RABGAP1L: variants seen among roughly 807,000 people sequenced by gnomAD.
RABGAP1L encodes RAB GTPase activating protein 1 like.
RABGAP1L carries 63 observed loss-of-function variants against 137.7 expected under a neutral mutation model. The observed-to-expected ratio is 0.46, with a 90% CI of 0.37 to 0.56. The LOEUF is 0.56. RABGAP1L is among the 20% of genes least tolerant of loss of function. The pLI, the probability that RABGAP1L is intolerant of heterozygous loss-of-function variation, is 0.00. For missense variants in RABGAP1L, 1,095 were observed against 1,244.0 expected (o/e 0.88, Z 1.80); for synonymous variants, 431 against 433.7 (o/e 0.99, Z 0.08).
chr1:174,328,321 C>CA (rs562650682), intron 11 of RABGAP1L, among the ~76,000 whole-genome samples: 1 of 151,476 alleles, frequency 6.6e-6, no homozygotes, highest in Non-Finnish European at 1.5e-5. Context: ...TTAACAAATT[C>CA]AAAAAAAGTG....
intron 13 of RABGAP1L, among the ~76,000 whole-genome samples, chr1:174,606,181 A>G (rs1253836621): frequency 6.6e-6 from 1 of 152,234 alleles, no homozygotes; most frequent in Non-Finnish European, 1.5e-5. Context: ...CTCATATAGT[A>G]TCTACTAGTT....
intron 11 of RABGAP1L, among the ~76,000 whole-genome samples, chr1:174,315,338 G>T (rs957612031): frequency 2.0e-5 from 3 of 151,844 alleles, no homozygotes; most frequent in African/African-American, 4.8e-5. Flanking sequence ...GTTTCAGTTG[G>T]CATGGAATAT....
Position 174,250,649 on chromosome 1 carries a change from G to C in RABGAP1L, c.875+17G>C. Reference sequence around the variant, plus strand: ...AAACTTTAGGTGAGGCATTTGGAAAGATTAAAAATTCGCATTGTATCTGGA... The same window carrying C: ...AAACTTTAGGTGAGGCATTTGGAAACATTAAAAATTCGCATTGTATCTGGA... On this transcript the variant is annotated intron_variant, in intron 6 of 25. Coordinates refer to ENST00000681986, the MANE Select transcript of RABGAP1L (RefSeq NM_001366446.1). The C allele has an allele frequency of 6.2e-7, 1 of 1,607,192 alleles. No homozygotes were observed. The highest frequency in any genetic ancestry group is 2.2e-5 in the East Asian group (1 of 44,792).
At position 174,231,325 on chromosome 1, in the gene RABGAP1L, A is replaced by G. The variant is rs564158260; in HGVS notation, c.512A>G (p.Tyr171Cys). 52 of 1,614,080 alleles carry G rather than the reference A, an allele frequency of 3.2e-5. No homozygotes were observed. In the Admixed American group the frequency reaches 5.5e-4, roughly 17 times the overall value. ...CAATACCCCTTTCCTGTTACCCTGT[A>G]TGTACCAAATGTTCCAGAAGGTTCT... ...SSQYPFPVTL[Y>C]VPNVPEGSVR... Residue 171 changes from tyrosine (Y) to cysteine (C), a missense_variant, in exon 4 of 26, where the codon TAT (tyrosine) becomes TGT (cysteine). By Grantham distance (194) the Tyr-to-Cys change is radical. This residue lies in a region of RABGAP1L where 356 missense variants were observed against 326.3 expected (regional missense o/e 1.09). Transcript: ENST00000681986.
chr1:174,169,225 G>GTT (rs372991047), intron 1 of RABGAP1L, among the ~76,000 whole-genome samples: 3 of 145,178 alleles, frequency 2.1e-5, no homozygotes, highest in South Asian at 2.2e-4. Flanking sequence ...ATATAAAGGT[G>GTT]TTTTTTTTTT....
intron 2 of RABGAP1L, among the ~76,000 whole-genome samples, chr1:174,220,329 A>G (rs537312564): frequency 2.6e-5 from 4 of 152,274 alleles, no homozygotes; most frequent in South Asian, 2.1e-4. Context: ...AGACATGTAA[A>G]TTTAAGGTTA....
At chr1:174,528,658 A>T (rs1240911876) in intron 13 of RABGAP1L, among the ~76,000 whole-genome samples, 4 of 150,010 alleles carry the variant, frequency 2.7e-5, no homozygotes, top group African/African-American at 4.9e-5. Flanking sequence ...TTTGTCTTTG[A>T]CTTTAGACAA....
chr1:174,534,290 A>T lies in RABGAP1L; in HGVS notation c.1711-103085A>T, dbSNP rs867894083. On this transcript the variant is annotated intron_variant, in intron 13 of 25. Coordinates refer to ENST00000681986, the MANE Select transcript of RABGAP1L (RefSeq NM_001366446.1). The stretch of plus-strand genomic sequence containing the variant: ...TTTTACAGCTCAATAGTTTAAAAAC[A>T]AAACAAAACAAAAAGCTGCAGTAAT... Among the ~76,000 whole-genome samples, 15 of 152,232 alleles carry T rather than the reference A, an allele frequency of 9.9e-5. 1 individual carries two copies. Among genetic ancestry groups the T allele is most frequent in the South Asian group, 6.2e-4 (3 of 4,828 alleles).
intron 13 of RABGAP1L, among the ~76,000 whole-genome samples, chr1:174,619,862 A>G (rs1033175403): frequency 8.5e-5 from 13 of 152,226 alleles, no homozygotes; most frequent in South Asian, 8.3e-4. Context: ...ATAAAGAGTC[A>G]GGACCCATCA....
chr1:174,428,119 A>G (rs755392628), intron 13 of RABGAP1L, among the ~76,000 whole-genome samples: 4 of 152,212 alleles, frequency 2.6e-5, no homozygotes, highest in Non-Finnish European at 5.9e-5. Context: ...TGAGTAAGCC[A>G]TACATCATTT....
intron 18 of RABGAP1L, among the ~76,000 whole-genome samples, chr1:174,762,834 A>G (rs1685338895): frequency 8.9e-6 from 1 of 111,836 alleles, no homozygotes; most frequent in Non-Finnish European, 1.8e-5. Context: ...TTTTTTTTTA[A>G]GATAGATTCT....
intron 14 of RABGAP1L, among the ~76,000 whole-genome samples, chr1:174,639,819 G>A (rs1674376337): frequency 6.6e-6 from 1 of 152,056 alleles, no homozygotes; most frequent in African/African-American, 2.4e-5. Context: ...CTTTGATTTG[G>A]TGTTGCAAAT....
chr1:174,563,305 A>G (rs1408283569), intron 13 of RABGAP1L, among the ~76,000 whole-genome samples: 3 of 152,228 alleles, frequency 2.0e-5, no homozygotes, highest in African/African-American at 7.2e-5. Context: ...TTGCACAAGT[A>G]TGTTAATTAG....
chr1:174,350,266 C>G (rs1422504778), intron 11 of RABGAP1L, among the ~76,000 whole-genome samples: 49 of 118,386 alleles, frequency 4.1e-4, no homozygotes, highest in Non-Finnish European at 6.6e-4. Flanking sequence ...GGGTGGCTGC[C>G]GGGCGGAGAG....
At chr1:174,443,493 A>G (rs1043634056) in intron 13 of RABGAP1L, among the ~76,000 whole-genome samples, 1 of 152,074 alleles carries the variant, frequency 6.6e-6, no homozygotes, top group Non-Finnish European at 1.5e-5. Context: ...GTAATTTTTC[A>G]TATAACTCTT....
At chr1:174,798,940 A>T (rs1262792239) in intron 18 of RABGAP1L, among the ~76,000 whole-genome samples, 1 of 152,244 alleles carries the variant, frequency 6.6e-6, no homozygotes, top group Non-Finnish European at 1.5e-5. Context: ...ATTTATTCAC[A>T]ACAAGTAAAC....
At chr1:174,870,890 A>G (rs1652078781) in intron 19 of RABGAP1L, among the ~76,000 whole-genome samples, 1 of 151,980 alleles carries the variant, frequency 6.6e-6, no homozygotes. Context: ...GGCGCCTGCC[A>G]CAACACCCGG....
chr1:174,202,867 T>C (rs1475080116), intron 1 of RABGAP1L, among the ~76,000 whole-genome samples: 10 of 152,208 alleles, frequency 6.6e-5, no homozygotes, highest in Admixed American at 6.5e-4. Context: ...GCTTTCTACA[T>C]ATGGCTAGCC....
At chr1:174,946,914 AAAAAT>A (rs1290257170) in intron 19 of RABGAP1L, among the ~76,000 whole-genome samples, 6 of 45,626 alleles carry the variant, frequency 1.3e-4, no homozygotes, top group Admixed American at 2.3e-4. Context: ...AAAAAAAAAA[AAAAAT>A]ATATATATAT....
Sources: gnomAD v4.1 joint callset for allele counts (sites outside exome capture counted in the v4.1 genomes callset) on GRCh38, gnomAD v4.1.1 for gene constraint, gnomAD v4.1.1 regional missense constraint, MANE v1.5 for transcripts, NCBI Gene and HGNC (gene_info 2026-07-23, HGNC 2026-07-21) for gene names.